ROPN1L: variants seen among roughly 807,000 people sequenced by gnomAD.
ROPN1L encodes rhophilin associated tail protein 1 like.
Under a neutral mutation model 22.7 loss-of-function variants are expected in ROPN1L, and 23 were observed. The observed-to-expected ratio is 1.01, with a 90% CI of 0.73 to 1.43. ROPN1L has a LOEUF of 1.43. Ranked by LOEUF, ROPN1L falls within the 40% of genes most tolerant of loss-of-function variation. ROPN1L has a pLI of 0.00. For synonymous variants in ROPN1L, 116 were observed against 117.8 expected (o/e 0.98, Z 0.10); for missense variants, 271 against 291.5 (o/e 0.93, Z 0.51).
chr5:10,469,012 G>T (rs377387874), downstream of ROPN1L, among the ~76,000 whole-genome samples: 2 of 151,968 alleles, frequency 1.3e-5, no homozygotes, highest in African/African-American at 4.8e-5. Flanking sequence ...AAAATTAGCC[G>T]GGCGTGGTGG....
downstream of ROPN1L, among the ~76,000 whole-genome samples, chr5:10,466,921 C>T (rs1180953751): frequency 6.6e-6 from 1 of 152,128 alleles, no homozygotes; most frequent in African/African-American, 2.4e-5. Context: ...TGGTTGCTGT[C>T]CTCCTCCTGG....
chr5:10,474,329 G>A (rs573895612), downstream of ROPN1L, among the ~76,000 whole-genome samples: 11 of 152,238 alleles, frequency 7.2e-5, no homozygotes, highest in East Asian at 5.8e-4. Context: ...GGTACACAGC[G>A]GGACAGTACA....
At chr5:10,471,314 CT>C (rs879509332) in intron 4 of ROPN1L, among the ~76,000 whole-genome samples, 359 of 143,676 alleles carry the variant, frequency 2.5e-3, no homozygotes, top group Middle Eastern at 7.3e-3. Context: ...ATTTTTTGTA[CT>C]TTTTTTTTTT....
At chr5:10,462,073 T>C (rs926719880) in intron 4 of ROPN1L, among the ~76,000 whole-genome samples, 2 of 152,186 alleles carry the variant, frequency 1.3e-5, no homozygotes, top group Admixed American at 6.5e-5. Flanking sequence ...AGTGATCACC[T>C]AAGCCATCAG....
chr5:10,448,305 C>A lies in ROPN1L; in HGVS notation c.177C>A (p.Asp59Glu). The A allele has an allele frequency of 6.2e-7, 1 of 1,614,136 alleles. No homozygotes were observed. The highest frequency in any genetic ancestry group is 1.7e-4 in the Middle Eastern group (1 of 6,060). Residue 59 changes from aspartate to glutamate, a missense_variant, in exon 2 of 5, where the codon GAC becomes GAA. By Grantham distance (45) the Asp-to-Glu change is conservative (BLOSUM62 2). Transcript: ENST00000274134. The part of the protein sequence containing the change: ...LSRGDPLPVK[D>E]RMEMPTATQK... Reference sequence around the variant, plus strand: ...GAGGAGATCCACTTCCTGTAAAGGACAGAATGGAAATGCCCACGGCAACCC... The same window carrying A: ...GAGGAGATCCACTTCCTGTAAAGGAAAGAATGGAAATGCCCACGGCAACCC...
intron 4 of ROPN1L, among the ~76,000 whole-genome samples, chr5:10,463,746 G>A (rs1312233791): frequency 6.6e-6 from 1 of 152,158 alleles, no homozygotes; most frequent in African/African-American, 2.4e-5. Flanking sequence ...CTGGAGTTTT[G>A]CCCTGTGGAG....
chr5:10,481,535 A>C, the ROPN1L span, among the ~76,000 whole-genome samples: 331 of 152,340 alleles, frequency 2.2e-3, 5 homozygotes, highest in African/African-American at 7.7e-3. Flanking sequence ...CTGGTTTACT[A>C]TCTCTGGGGA....
intron 1 of ROPN1L, 64 bp from the exon 2 acceptor site, chr5:10,448,196 A>T: frequency 6.3e-7 from 1 of 1,594,148 alleles, no homozygotes; most frequent in African/African-American, 1.3e-5. Context: ...TTATTTAAGA[A>T]ATTGGATCGC....
At chr5:10,476,408 T>G (rs2962318), downstream of ROPN1L, among the ~76,000 whole-genome samples, 27,641 of 152,242 alleles carry the variant, frequency 0.18, 3,712 homozygotes, top group East Asian at 0.67. Flanking sequence ...AAAAGTTCTT[T>G]TAGTGCTGAA....
intron 3 of ROPN1L, among the ~76,000 whole-genome samples, chr5:10,456,774 T>C (rs1394130474): frequency 6.6e-6 from 1 of 152,174 alleles, no homozygotes; most frequent in African/African-American, 2.4e-5. Flanking sequence ...AACGTTGACA[T>C]GGGTAGTGTC....
chr5:10,443,298 A>C (rs1383615475), intron 1 of ROPN1L, among the ~76,000 whole-genome samples: 3 of 151,782 alleles, frequency 2.0e-5, no homozygotes, highest in Non-Finnish European at 4.4e-5. Context: ...GCTGTAACAA[A>C]TCACCACAAA....
intron 1 of ROPN1L, among the ~76,000 whole-genome samples, chr5:10,443,006 T>A (rs1439069336): frequency 6.6e-6 from 1 of 152,244 alleles, no homozygotes; most frequent in Non-Finnish European, 1.5e-5. Context: ...CTCACTTTTA[T>A]GATGACAAGA....
chr5:10,451,132 T>C (rs1157843010), intron 3 of ROPN1L, among the ~76,000 whole-genome samples: 1 of 152,226 alleles, frequency 6.6e-6, no homozygotes, highest in Non-Finnish European at 1.5e-5. Context: ...AACAATTTGA[T>C]TTTCCCCCCT....
chr5:10,466,213 G>A (rs1020990652), downstream of ROPN1L, among the ~76,000 whole-genome samples: 2 of 152,230 alleles, frequency 1.3e-5, no homozygotes, highest in Non-Finnish European at 2.9e-5. Flanking sequence ...CCCAAGGAGC[G>A]AGTGTGGGCC....
intron 1 of ROPN1L, 52 bp from the exon 2 acceptor site, chr5:10,448,208 T>C: frequency 6.2e-7 from 1 of 1,607,580 alleles, no homozygotes; most frequent in Non-Finnish European, 8.5e-7. Flanking sequence ...TTGGATCGCA[T>C]AGCTGTTTTT....
At chr5:10,479,822 G>A in the ROPN1L span, among the ~76,000 whole-genome samples, 2 of 151,838 alleles carry the variant, frequency 1.3e-5, no homozygotes, top group Admixed American at 6.6e-5. Flanking sequence ...CTCGGCTCAC[G>A]CAACCTCTGC....
chr5:10,479,109 G>A, the ROPN1L span, among the ~76,000 whole-genome samples: 4 of 151,746 alleles, frequency 2.6e-5, no homozygotes, highest in East Asian at 1.9e-4. Context: ...TTATGGTAAC[G>A]TGTGTGAGTA....
At chr5:10,442,614 A>G (rs1740923826) in intron 1 of ROPN1L, among the ~76,000 whole-genome samples, 2 of 152,276 alleles carry the variant, frequency 1.3e-5, no homozygotes, top group Admixed American at 1.3e-4. Context: ...TGGGCAAAAA[A>G]GTGTTTACAT....
At chr5:10,462,952 T>C (rs1291924978) in intron 4 of ROPN1L, among the ~76,000 whole-genome samples, 1 of 152,158 alleles carries the variant, frequency 6.6e-6, no homozygotes, top group African/African-American at 2.4e-5. Context: ...ATAGAATTCA[T>C]TTCTCCACAA....
Sources: gnomAD v4.1 joint callset for allele counts (sites outside exome capture counted in the v4.1 genomes callset) on GRCh38, gnomAD v4.1.1 for gene constraint, MANE v1.5 for transcripts, NCBI Gene and HGNC (gene_info 2026-07-23, HGNC 2026-07-21) for gene names.